The following TCEA2 variants were observed in gnomAD, a reference collection of about 807,000 sequenced individuals.
The protein encoded by TCEA2 is transcription elongation factor A2.
TCEA2 carries 21 observed loss-of-function variants against 40.8 expected under a neutral mutation model. The observed-to-expected ratio is 0.51, with a 90% CI of 0.36 to 0.74. The LOEUF (loss-of-function observed/expected upper bound fraction) is 0.74. Among genes scored for constraint, TCEA2 ranks in the 30% least tolerant of loss-of-function variants. The pLI is 0.00. For missense variants in TCEA2, 326 were observed against 426.5 expected (o/e 0.76, Z 2.08); for synonymous variants, 165 against 162.7 (o/e 1.01, Z -0.11).
chr20:64,071,746 C>T (rs1255809951), intron 8 of TCEA2, 124 bp from the exon 9 acceptor site: 29 of 1,109,948 alleles, frequency 2.6e-5, no homozygotes, highest in East Asian at 1.0e-4. Flanking sequence ...AGTCACGAGG[C>T]GGCCTCGGAT....
intron 3 of TCEA2, among the ~76,000 whole-genome samples, 186 bp downstream of exon 3, chr20:64,067,206 T>C (rs1454339458): frequency 1.3e-5 from 2 of 152,184 alleles, no homozygotes; most frequent in African/African-American, 4.8e-5. Flanking sequence ...AGTGGGTGCC[T>C]GTCAGCATTG....
At chr20:64,058,635 A>G (rs527695405), upstream of TCEA2, among the ~76,000 whole-genome samples, 1 of 152,384 alleles carries the variant, frequency 6.6e-6, no homozygotes, top group Admixed American at 6.5e-5. The surrounding 1 kb of genome is among the most constrained non-coding windows in gnomAD (Gnocchi z 6.7). Context: ...TCACGGGGTC[A>G]TAAAGGCAGC....
At chr20:64,067,181 G>A (rs556629568) in intron 3 of TCEA2, among the ~76,000 whole-genome samples, 161 bp downstream of exon 3, 47 of 152,332 alleles carry the variant, frequency 3.1e-4, no homozygotes, top group Non-Finnish European at 6.2e-4. Context: ...CCCAGCTTGG[G>A]GCTGGCAGTG....
chr20:64,063,298 G>T lies in TCEA2; in HGVS notation c.-15G>T. ...GGCGGGCGCGACGGGCGCGGGGGTC[G>T]CTGCTCCTGAGGCGATGATGGGCAA... On this transcript the variant is annotated 5_prime_UTR_variant, in exon 1 of 10. Coordinates refer to ENST00000343484, the MANE Select transcript of TCEA2 (RefSeq NM_003195.6). 2 of 1,520,558 alleles carry T rather than the reference G, an allele frequency of 1.3e-6. No individual in the cohort carries two copies. The highest frequency in any genetic ancestry group is 1.8e-6 in the Non-Finnish European group (2 of 1,135,978). The allele number at this position is 1,520,558 out of a possible 1,614,324, so 94.2% of individuals were successfully genotyped here. A position where few individuals can be genotyped will look rare whatever the true frequency, so the allele number is the denominator to read the frequency against.
At chr20:64,062,100 T>C (rs138715292), upstream of TCEA2, among the ~76,000 whole-genome samples, 100 of 152,350 alleles carry the variant, frequency 6.6e-4, 1 homozygote, top group African/African-American at 2.3e-3. Flanking sequence ...TATATGTGAT[T>C]AGTGCCACAG....
chr20:64,056,530 G>A (rs1301283632), upstream of TCEA2, among the ~76,000 whole-genome samples: 1 of 120,066 alleles, frequency 8.3e-6, no homozygotes, highest in Non-Finnish European at 1.7e-5. Context: ...GGGGTGGCAG[G>A]GGGTGGGGGC....
At chr20:64,069,689 C>T (rs2145501751) in intron 5 of TCEA2, 76 bp from the exon 6 acceptor site, 8 of 1,566,592 alleles carry the variant, frequency 5.1e-6, no homozygotes, top group Middle Eastern at 3.4e-4. Flanking sequence ...TCTAAGCTGC[C>T]AGGGTGTTTT....
At chr20:64,063,647 C>T (rs567768026) in intron 1 of TCEA2, 85 of 519,386 alleles carry the variant, frequency 1.6e-4, no homozygotes, top group Non-Finnish European at 4.1e-5. Context: ...CCGCTCTGGA[C>T]TCAGACCCCT....
chr20:64,058,851 C>T (rs186956608), upstream of TCEA2, among the ~76,000 whole-genome samples: 46 of 152,208 alleles, frequency 3.0e-4, no homozygotes, highest in East Asian at 8.1e-3. This position sits in a 1 kb window ranked among gnomAD's most constrained non-coding sequence, Gnocchi z 6.7. Context: ...TTCATGGCCT[C>T]GTTCATAACT....
At position 64,070,744 on chromosome 20, in the gene TCEA2, C is replaced by T. The variant is rs561399230; in HGVS notation, c.819+109C>T. 60 of 1,409,678 alleles carry T rather than the reference C, an allele frequency of 4.3e-5. 1 individual carries two copies. The South Asian group carries it at 8.4e-4, about 20-fold the overall frequency. The allele number at this position is 1,409,678 out of a possible 1,614,324, so 87.3% of individuals were successfully genotyped here. ...GCCTCTGCTGCATGAATTTCCCGAG[C>T]CTCTCAGTCCCTGAGTAGGCTAAGG... On this transcript the variant is annotated intron_variant, in intron 8 of 9. Transcript: ENST00000343484.
rs1401049681 is a variant in TCEA2, at chr20:64,072,151, G to A, written c.892-21G>A. 1.9e-6 allele frequency: 3 copies of A among 1,613,348 alleles called. No individual in the cohort carries two copies. In the Admixed American group the frequency reaches 5.0e-5, roughly 27 times the overall value. On this transcript the variant is annotated intron_variant, in intron 9 of 9. Coordinates refer to ENST00000343484, the MANE Select transcript of TCEA2 (RefSeq NM_003195.6). Reference sequence around the variant, plus strand: ...ATCTCATGTGGCCACAAGGCTGGAGGCCTCACCCCCTTTCTCGCAGTTCTG... The same window carrying A: ...ATCTCATGTGGCCACAAGGCTGGAGACCTCACCCCCTTTCTCGCAGTTCTG...
At position 64,070,582 on chromosome 20, in the gene TCEA2, A is replaced by G. The variant is rs1275639853; in HGVS notation, c.766A>G (p.Thr256Ala). 6.2e-7 allele frequency: 1 copy of G among 1,613,450 alleles called. No individual in the cohort carries two copies. The highest frequency in any genetic ancestry group is 2.2e-5 in the East Asian group (1 of 44,886). Reference sequence around the variant, plus strand: ...GATGGCCCGCACTGGCGGCACGCAGACAGACCTGTTCACCTGCGGCAAGTG... The same window carrying G: ...GATGGCCCGCACTGGCGGCACGCAGGCAGACCTGTTCACCTGCGGCAAGTG... ...HQMARTGGTQ[T>A]DLFTCGKCRK... Residue 256 changes from threonine (T) to alanine (A), a missense_variant, in exon 8 of 10, where the codon ACA becomes GCA. Coordinates refer to ENST00000343484, the MANE Select transcript of TCEA2 (RefSeq NM_003195.6).
intron 1 of TCEA2, among the ~76,000 whole-genome samples, chr20:64,064,806 G>T (rs1340060982): frequency 6.6e-6 from 1 of 152,192 alleles, no homozygotes; most frequent in African/African-American, 2.4e-5. Flanking sequence ...CGGAAAACTG[G>T]TCAGCACAAA....
chr20:64,070,856 G>A (rs41308094), intron 8 of TCEA2, among the ~76,000 whole-genome samples: 5,088 of 152,324 alleles, frequency 0.033, 199 homozygotes, highest in African/African-American at 0.093. Context: ...GGACCCACTT[G>A]TTGCGGATAC....
intron 2 of TCEA2, 132 bp from the exon 3 acceptor site, chr20:64,066,783 A>C: frequency 1.1e-6 from 1 of 941,020 alleles, no homozygotes; most frequent in Non-Finnish European, 1.6e-6. Context: ...GACAGTCGCC[A>C]TTGGGAGAGG....
intron 3 of TCEA2, 110 bp from the exon 4 acceptor site, chr20:64,067,925 GGGGGCGGGGGCT>G: frequency 1.4e-6 from 1 of 711,386 alleles, no homozygotes; most frequent in Non-Finnish European, 2.2e-6. Flanking sequence ...GTGAGGGGCT[GGGGGCGGGGGCT>G]GGGGCTGGGG....
upstream of TCEA2, among the ~76,000 whole-genome samples, chr20:64,060,043 T>G (rs960509256): frequency 6.6e-6 from 1 of 152,192 alleles, no homozygotes; most frequent in Admixed American, 6.5e-5. Flanking sequence ...TATGCACAAC[T>G]GCACAGCCTC....
intron 1 of TCEA2, 68 bp downstream of exon 1, chr20:64,063,452 C>T: frequency 6.6e-7 from 1 of 1,510,140 alleles, no homozygotes; most frequent in South Asian, 1.2e-5. Context: ...GCCCGCCGAC[C>T]CCCGTTAGGG....
In TCEA2 at chr20:64,072,243, C is replaced by T; in HGVS notation, c.*63C>T. The T allele has an allele frequency of 6.3e-7, 1 of 1,578,426 alleles. No individual in the cohort carries two copies. Among genetic ancestry groups the T allele is most frequent in the South Asian group, 1.1e-5 (1 of 89,098 alleles). The stretch of plus-strand genomic sequence containing the variant: ...CGGCCCACGTCCTCCGTTGACACAG[C>T]TTCTCTGGAGACCCTAGAAGGCGGC... On this transcript the variant is annotated 3_prime_UTR_variant, in exon 10 of 10. Coordinates refer to ENST00000343484, the MANE Select transcript of TCEA2 (RefSeq NM_003195.6).
Sources: allele counts gnomAD v4.1 joint callset (sites outside exome capture counted in the v4.1 genomes callset), GRCh38; gene constraint gnomAD v4.1.1; non-coding constraint Gnocchi (gnomAD v3.1); transcripts MANE v1.5; gene names NCBI Gene and HGNC (gene_info 2026-07-23, HGNC 2026-07-21).